P3H2: variants seen among roughly 807,000 people sequenced by gnomAD.
The protein encoded by P3H2 is prolyl 3-hydroxylase 2, also known as leprecan-like 1.
A neutral mutation model predicts 87.0 loss-of-function variants in P3H2; 80 were observed. The ratio of observed to expected loss-of-function variants is 0.92; its 90% CI spans 0.77 to 1.11. P3H2 has a LOEUF of 1.11. Ranked by LOEUF, P3H2 falls within the 50% of genes least tolerant of loss-of-function variation. The pLI is 0.00. For missense variants in P3H2, 1,001 were observed against 923.9 expected, an observed-to-expected ratio of 1.08 and a Z score of -1.08; for synonymous variants, 367 against 359.3, an observed-to-expected ratio of 1.02 and a Z score of -0.24.
chr3:190,025,626 C>A (rs904855018), intron 1 of P3H2, among the ~76,000 whole-genome samples: 1 of 152,144 alleles, frequency 6.6e-6, no homozygotes, highest in East Asian at 1.9e-4. Flanking sequence ...AAGCTATTAT[C>A]ATTATGTCTC....
At chr3:189,971,695 T>C (rs1477900913) in intron 12 of P3H2, 195 bp downstream of exon 12, 4 of 577,172 alleles carry the variant, frequency 6.9e-6, no homozygotes, top group Non-Finnish European at 1.3e-5. Context: ...GGATGCAAAC[T>C]GTGCACAATT....
chr3:190,023,600 C>T (rs767714387), intron 1 of P3H2, among the ~76,000 whole-genome samples: 53 of 152,192 alleles, frequency 3.5e-4, no homozygotes, highest in Non-Finnish European at 6.8e-4. Context: ...CAATTACCTC[C>T]ACCTGGTCTC....
At chr3:190,046,104 C>T (rs377325980) in intron 1 of P3H2, among the ~76,000 whole-genome samples, 9 of 138,196 alleles carry the variant, frequency 6.5e-5, no homozygotes, top group African/African-American at 2.5e-4. Flanking sequence ...GCCTGGGCGA[C>T]AGAGCAAGAC....
intron 1 of P3H2, among the ~76,000 whole-genome samples, chr3:190,075,989 C>T (rs112334771): frequency 0.011 from 1,644 of 152,240 alleles, 35 homozygotes; most frequent in African/African-American, 0.037. Flanking sequence ...TTGAGCATGG[C>T]TTTGTCTTGT....
chr3:190,022,980 C>A (rs938234858), intron 1 of P3H2, among the ~76,000 whole-genome samples: 1 of 152,044 alleles, frequency 6.6e-6, no homozygotes, highest in African/African-American at 2.4e-5. Flanking sequence ...GCACCCACCA[C>A]CACGCCTGGC....
intron 1 of P3H2, among the ~76,000 whole-genome samples, chr3:190,104,394 C>T (rs760947513): frequency 7.0e-4 from 107 of 152,022 alleles, no homozygotes; most frequent in South Asian, 2.1e-4. Flanking sequence ...GCACTCCTCC[C>T]GCTCCCAACT....
intron 1 of P3H2, among the ~76,000 whole-genome samples, chr3:190,040,149 G>A (rs1182192045): frequency 4.6e-5 from 7 of 152,178 alleles, no homozygotes; most frequent in South Asian, 2.1e-4. Flanking sequence ...CAAAAAACCC[G>A]TCTTACACTT....
chr3:190,084,021 A>G (rs1260957616), intron 1 of P3H2, among the ~76,000 whole-genome samples: 2 of 152,226 alleles, frequency 1.3e-5, no homozygotes, highest in African/African-American at 4.8e-5. Context: ...AAATCAAAAG[A>G]TATTTCTTAT....
chr3:190,046,088 A>C (rs1451853105), intron 1 of P3H2, among the ~76,000 whole-genome samples: 2 of 146,158 alleles, frequency 1.4e-5, no homozygotes, highest in African/African-American at 5.1e-5. Flanking sequence ...GCACCACTGC[A>C]CTCCCGCCTG....
chr3:190,082,085 A>G (rs1727062250), intron 1 of P3H2, among the ~76,000 whole-genome samples: 1 of 152,096 alleles, frequency 6.6e-6, no homozygotes, highest in East Asian at 1.9e-4. Flanking sequence ...GTGAAACTGC[A>G]TCTCTACTAA....
At chr3:190,105,173 A>G (rs1197828088) in intron 1 of P3H2, among the ~76,000 whole-genome samples, 1 of 152,116 alleles carries the variant, frequency 6.6e-6, no homozygotes, top group Non-Finnish European at 1.5e-5. Flanking sequence ...TACAACCTCT[A>G]CATTAGGTAT....
At chr3:189,972,135 A>C in intron 11 of P3H2, 128 bp from the exon 12 acceptor site, 6 of 715,432 alleles carry the variant, frequency 8.4e-6, no homozygotes, top group Non-Finnish European at 1.5e-5. Flanking sequence ...AACAGGAAAG[A>C]ACAGATAAAA....
chr3:190,057,930 G>A lies in P3H2; in HGVS notation c.480+62322C>T, dbSNP rs973767011. 3.9e-5 allele frequency among the ~76,000 whole-genome samples: 6 copies of A among 152,082 alleles called. No homozygotes were observed. The East Asian group carries it at 9.7e-4, about 25-fold the overall frequency. ...TCATTCCCAGAACTAAGGCATAGCT[G>A]ACCTTCAACTTGAAGTACTCATTAA... On this transcript the variant is annotated intron_variant, in intron 1 of 14. Transcript: ENST00000319332.
intron 1 of P3H2, among the ~76,000 whole-genome samples, chr3:190,088,802 T>C (rs908886066): frequency 6.6e-6 from 1 of 152,216 alleles, no homozygotes; most frequent in Non-Finnish European, 1.5e-5. Context: ...TTATGTAGCA[T>C]TTTTATATAT....
intron 1 of P3H2, among the ~76,000 whole-genome samples, chr3:190,000,743 G>T (rs1340790442): frequency 6.6e-6 from 1 of 152,212 alleles, no homozygotes; most frequent in East Asian, 1.9e-4. Flanking sequence ...GCAGAGCAGA[G>T]ATCAAGGAGG....
chr3:189,980,128 G>A (rs148184799), intron 8 of P3H2, among the ~76,000 whole-genome samples: 12 of 152,284 alleles, frequency 7.9e-5, no homozygotes, highest in Non-Finnish European at 1.8e-4. Context: ...CTTAGGAGCT[G>A]TCCAGTAGGA....
At chr3:189,988,813 T>G in intron 4 of P3H2, 94 bp downstream of exon 4, 1 of 1,459,062 alleles carries the variant, frequency 6.9e-7, no homozygotes, top group Non-Finnish European at 9.6e-7. Context: ...CATAATAAAC[T>G]GAAGAAGTCA....
intron 1 of P3H2, among the ~76,000 whole-genome samples, chr3:190,074,386 C>G (rs2108975031): frequency 6.6e-6 from 1 of 152,166 alleles, no homozygotes; most frequent in Non-Finnish European, 1.5e-5. Context: ...TGGCATGCAC[C>G]TGTAATCCAA....
At chr3:190,063,601 T>C (rs561423129) in intron 1 of P3H2, among the ~76,000 whole-genome samples, 11 of 152,302 alleles carry the variant, frequency 7.2e-5, no homozygotes, top group African/African-American at 2.2e-4. Flanking sequence ...TTGTTAGAGA[T>C]TCAGATAACA....
Sources: allele counts gnomAD v4.1 joint callset (sites outside exome capture counted in the v4.1 genomes callset), GRCh38; gene constraint gnomAD v4.1.1; transcripts MANE v1.5; gene names NCBI Gene and HGNC (gene_info 2026-07-23, HGNC 2026-07-21).